CCDC141: variants seen among roughly 807,000 people sequenced by gnomAD.
The protein encoded by CCDC141 is coiled-coil domain-containing protein 141.
In CCDC141, 168 loss-of-function variants were observed where a neutral mutation model predicts 181.0. That is an observed-to-expected ratio of 0.93 (90% confidence interval 0.82 to 1.05). The LOEUF (loss-of-function observed/expected upper bound fraction) is 1.05. CCDC141 is among the 50% of genes least tolerant of loss of function. The pLI, the probability that CCDC141 is intolerant of heterozygous loss-of-function variation, is 0.00. For missense variants in CCDC141, 1,902 were observed against 1,788.5 expected (o/e 1.06, Z -1.14); for synonymous variants, 666 against 642.3 (o/e 1.04, Z -0.56).
intron 2 of CCDC141, among the ~76,000 whole-genome samples, chr2:179,015,216 A>ATCTCATATT (rs1559049090): frequency 7.1e-6 from 1 of 140,550 alleles, no homozygotes; most frequent in Admixed American, 7.3e-5. Flanking sequence ...TATATCATAT[A>ATCTCATATT]TCTCATATAT....
At chr2:178,929,112 C>G (rs115150884) in intron 6 of CCDC141, among the ~76,000 whole-genome samples, 3,912 of 152,240 alleles carry the variant, frequency 0.026, 79 homozygotes, top group Admixed American at 0.04. Flanking sequence ...CATTTAATTT[C>G]TGCCTTGAGA....
chr2:178,963,063 G>A (rs1018537138), intron 4 of CCDC141, among the ~76,000 whole-genome samples: 1 of 152,202 alleles, frequency 6.6e-6, no homozygotes, highest in Admixed American at 6.5e-5. Flanking sequence ...ACTGCACCCA[G>A]CACTTAGCAC....
intron 2 of CCDC141, among the ~76,000 whole-genome samples, chr2:178,987,188 G>A (rs1691792951): frequency 7.1e-6 from 1 of 140,502 alleles, no homozygotes; most frequent in East Asian, 2.3e-4. Flanking sequence ...TCTGATCTTT[G>A]ACAAACCTGA....
intron 4 of CCDC141, among the ~76,000 whole-genome samples, chr2:178,962,365 G>A (rs1352510100): frequency 6.6e-6 from 1 of 152,152 alleles, no homozygotes; most frequent in Non-Finnish European, 1.5e-5. Context: ...AGAAGGAGCT[G>A]TCCATGACAT....
chr2:178,960,580 G>T (rs1178970164), intron 5 of CCDC141, among the ~76,000 whole-genome samples: 1 of 152,142 alleles, frequency 6.6e-6, no homozygotes, highest in Non-Finnish European at 1.5e-5. Context: ...TGAGTTGGGG[G>T]TTTGCAAAGA....
intron 5 of CCDC141, among the ~76,000 whole-genome samples, chr2:178,960,461 G>C (rs1162750563): frequency 3.9e-5 from 6 of 152,114 alleles, no homozygotes; most frequent in African/African-American, 1.4e-4. Context: ...TAGGCCAGGA[G>C]ACCTCCCTCC....
intron 8 of CCDC141, among the ~76,000 whole-genome samples, chr2:178,899,295 T>C (rs1249040191): frequency 2.0e-5 from 3 of 152,182 alleles, no homozygotes; most frequent in Non-Finnish European, 4.4e-5. Flanking sequence ...AAGTGCACTC[T>C]ATGATGTTCA....
At chr2:178,892,129 A>G (rs1264040953) in intron 8 of CCDC141, among the ~76,000 whole-genome samples, 1 of 152,176 alleles carries the variant, frequency 6.6e-6, no homozygotes, top group African/African-American at 2.4e-5. Context: ...CACTTGTAGA[A>G]GTTTTAGGCT....
intron 6 of CCDC141, among the ~76,000 whole-genome samples, chr2:178,942,650 G>A (rs1410909568): frequency 6.6e-6 from 1 of 152,028 alleles, no homozygotes; most frequent in East Asian, 1.9e-4. Context: ...CCTAATATAA[G>A]CAATGAACTT....
intron 2 of CCDC141, among the ~76,000 whole-genome samples, chr2:179,042,928 A>T (rs2043358415): frequency 6.6e-6 from 1 of 152,142 alleles, no homozygotes; most frequent in Non-Finnish European, 1.5e-5. Context: ...GAATCCTAAA[A>T]GCTAGCTTTT....
chr2:179,009,341 T>C (rs1001879283), intron 2 of CCDC141, among the ~76,000 whole-genome samples: 1 of 152,160 alleles, frequency 6.6e-6, no homozygotes, highest in African/African-American at 2.4e-5. Flanking sequence ...AAAGCCTTGT[T>C]TTGTCATATT....
intron 21 of CCDC141, among the ~76,000 whole-genome samples, 177 bp downstream of exon 21, chr2:178,849,872 G>T (rs1685091087): frequency 6.7e-6 from 1 of 148,472 alleles, no homozygotes; most frequent in Non-Finnish European, 1.5e-5. Flanking sequence ...TGATGGGAAA[G>T]AAATAGAATT....
intron 8 of CCDC141, among the ~76,000 whole-genome samples, chr2:178,894,137 C>A (rs554814078): frequency 1.6e-4 from 24 of 152,300 alleles, no homozygotes; most frequent in African/African-American, 5.8e-4. Context: ...CCATCAGGAA[C>A]CACCTCAAGC....
chr2:178,980,550 A>G (rs1022303089), intron 2 of CCDC141, among the ~76,000 whole-genome samples: 2 of 152,236 alleles, frequency 1.3e-5, no homozygotes, highest in South Asian at 4.1e-4. Context: ...CTGAAGCAAG[A>G]AAAAGGTGAC....
At chr2:178,993,449 A>T (rs1692147226) in intron 2 of CCDC141, among the ~76,000 whole-genome samples, 1 of 152,126 alleles carries the variant, frequency 6.6e-6, no homozygotes, top group African/African-American at 2.4e-5. Flanking sequence ...ATCAGATCTC[A>T]TGAGACTTAT....
intron 3 of CCDC141, among the ~76,000 whole-genome samples, chr2:178,975,976 A>G (rs1490458857): frequency 6.6e-6 from 1 of 152,200 alleles, no homozygotes; most frequent in Admixed American, 6.5e-5. Flanking sequence ...AGGAAAATGC[A>G]TAGTAATTTC....
intron 5 of CCDC141, among the ~76,000 whole-genome samples, chr2:178,960,370 G>A (rs1050435124): frequency 2.0e-5 from 3 of 152,068 alleles, no homozygotes; most frequent in African/African-American, 7.2e-5. Flanking sequence ...ACTCATATGC[G>A]CTTCCAGCTA....
chr2:178,846,990 T>G (rs540753345), intron 21 of CCDC141, among the ~76,000 whole-genome samples: 1 of 152,180 alleles, frequency 6.6e-6, no homozygotes, highest in East Asian at 1.9e-4. Flanking sequence ...ACATAAAAAA[T>G]AGACATTTGC....
At chr2:178,961,706 A>G (rs1690410712) in intron 4 of CCDC141, among the ~76,000 whole-genome samples, 1 of 152,224 alleles carries the variant, frequency 6.6e-6, no homozygotes, top group Non-Finnish European at 1.5e-5. Context: ...CTAACTGCCA[A>G]CTGATGGGAT....
Sources: allele counts gnomAD v4.1 joint callset (sites outside exome capture counted in the v4.1 genomes callset), GRCh38; gene constraint gnomAD v4.1.1; transcripts MANE v1.5; gene names NCBI Gene and HGNC (gene_info 2026-07-23, HGNC 2026-07-21).